The following AIDA variants were observed in gnomAD, a reference collection of about 807,000 sequenced individuals.
The protein encoded by AIDA is axin interactor, dorsalization associated.
Under a neutral mutation model 42.7 loss-of-function variants are expected in AIDA, and 18 were observed. The ratio of observed to expected loss-of-function variants is 0.42; its 90% CI spans 0.29 to 0.63. The LOEUF is 0.63. AIDA is among the 20% of genes least tolerant of loss of function. The probability of loss-of-function intolerance (pLI) is 0.19; values close to 1 mark genes in which losing one functional copy is unlikely to be tolerated. For missense variants in AIDA, 250 were observed against 354.1 expected (o/e 0.71, Z 2.36); for synonymous variants, 104 against 122.9 (o/e 0.85, Z 1.02).
intron 2 of AIDA, among the ~76,000 whole-genome samples, chr1:222,697,579 G>T (rs569188172): frequency 3.0e-4 from 45 of 151,472 alleles, no homozygotes; most frequent in Non-Finnish European, 5.7e-4. Context: ...GGTATAAATT[G>T]GAAAATGCTT....
intron 6 of AIDA, among the ~76,000 whole-genome samples, chr1:222,680,997 C>G (rs559264001): frequency 6.6e-6 from 1 of 152,132 alleles, no homozygotes; most frequent in South Asian, 2.1e-4. Context: ...CTTTTCATAT[C>G]CTGAAGAGGT....
intron 6 of AIDA, among the ~76,000 whole-genome samples, chr1:222,679,922 A>G (rs941553325): frequency 2.0e-5 from 3 of 152,198 alleles, no homozygotes; most frequent in Non-Finnish European, 4.4e-5. Context: ...TAAATATGAA[A>G]AGCTCTGTAT....
At chr1:222,680,973 G>C (rs1237241841) in intron 6 of AIDA, among the ~76,000 whole-genome samples, 1 of 151,760 alleles carries the variant, frequency 6.6e-6, no homozygotes, top group Non-Finnish European at 1.5e-5. Flanking sequence ...GCAATAAGTG[G>C]ACACAAGAGA....
chr1:222,673,397 G>A lies in AIDA; in HGVS notation c.622C>T (p.Pro208Ser), dbSNP rs764475670. The part of the protein sequence containing the change: ...GIDLTPVQDT[P>S]VASRKEDTYV... ...GTATCTTCTTTTCTTGAAGCCACAG[G>A]AGTATCTTGCACAGGAGTTAAGTCT... The change falls in exon 8 of 10, where the codon CCT becomes TCT. Residue 208 changes from proline (P) to serine (S), a missense_variant. Physicochemically the swap from Pro to Ser is moderately conservative, Grantham distance 74. This residue lies in a region of AIDA where 199 missense variants were observed against 232.6 expected (regional missense o/e 0.86). Coordinates refer to ENST00000340020, the MANE Select transcript of AIDA (RefSeq NM_022831.4). The A allele has an allele frequency of 2.0e-5, 32 of 1,608,878 alleles. No homozygotes were observed. The highest frequency in any genetic ancestry group is 4.0e-5 in the African/African-American group (3 of 74,786).
At chr1:222,708,926 T>A (rs1655917838) in intron 1 of AIDA, among the ~76,000 whole-genome samples, 1 of 152,192 alleles carries the variant, frequency 6.6e-6, no homozygotes, top group African/African-American at 2.4e-5. Context: ...AGCATACTCC[T>A]AAATTCATCC....
chr1:222,678,287 G>C (rs1054850974), intron 6 of AIDA, among the ~76,000 whole-genome samples: 2 of 150,490 alleles, frequency 1.3e-5, no homozygotes, highest in Admixed American at 1.3e-4. Flanking sequence ...TGGGGTCTTT[G>C]TTGTCACAAC....
chr1:222,684,939 A>G (rs759223009), intron 6 of AIDA, among the ~76,000 whole-genome samples: 2 of 152,178 alleles, frequency 1.3e-5, no homozygotes, highest in African/African-American at 2.4e-5. Flanking sequence ...AGCTATACCA[A>G]TTACAGTATG....
At chr1:222,689,996 C>T (rs536599995) in intron 4 of AIDA, among the ~76,000 whole-genome samples, 1 of 152,214 alleles carries the variant, frequency 6.6e-6, no homozygotes, top group South Asian at 2.1e-4. Context: ...AGGTTACATA[C>T]ATAAAAACTT....
intron 1 of AIDA, among the ~76,000 whole-genome samples, chr1:222,710,366 T>C (rs543118518): frequency 1.4e-4 from 21 of 152,322 alleles, no homozygotes; most frequent in African/African-American, 4.8e-4. Context: ...TGCACATGCC[T>C]ATCACCCTCA....
intron 2 of AIDA, among the ~76,000 whole-genome samples, chr1:222,697,743 TAA>T (rs1655562550): frequency 6.6e-6 from 1 of 152,116 alleles, no homozygotes. Context: ...AAAATAGGTT[TAA>T]AAAATACATA....
intron 9 of AIDA, 40 bp downstream of exon 9, chr1:222,670,093 A>T: frequency 6.2e-7 from 1 of 1,606,940 alleles, no homozygotes; most frequent in Non-Finnish European, 8.5e-7. Context: ...TATACTAGTC[A>T]CCATCAAATT....
At chr1:222,712,116 C>T (rs1656088062) in intron 1 of AIDA, 92 bp downstream of exon 1, 10 of 1,535,472 alleles carry the variant, frequency 6.5e-6, no homozygotes, top group Non-Finnish European at 8.8e-6. Flanking sequence ...GAAGCCTTGG[C>T]TGCAGATACG....
intron 6 of AIDA, 87 bp downstream of exon 6, chr1:222,686,843 C>T: frequency 1.4e-6 from 2 of 1,472,426 alleles, no homozygotes; most frequent in Non-Finnish European, 1.8e-6. Context: ...GGTTGTACTG[C>T]CCCACTAGCA....
At chr1:222,702,370 C>A (rs116100597) in intron 2 of AIDA, among the ~76,000 whole-genome samples, 1 of 152,042 alleles carries the variant, frequency 6.6e-6, no homozygotes, top group Non-Finnish European at 1.5e-5. Context: ...GGGGAATAGA[C>A]TGACACTTTT....
chr1:222,712,129 G>A, intron 1 of AIDA, 79 bp downstream of exon 1: 1 of 1,544,856 alleles, frequency 6.5e-7, no homozygotes, highest in Non-Finnish European at 8.7e-7. Flanking sequence ...CAGATACGGT[G>A]ATGAGAGACA....
intron 6 of AIDA, among the ~76,000 whole-genome samples, chr1:222,679,607 C>G (rs1380138708): frequency 2.0e-5 from 3 of 152,206 alleles, no homozygotes; most frequent in Non-Finnish European, 4.4e-5. Flanking sequence ...CACCCTATAA[C>G]AAGGTGTCCC....
intron 7 of AIDA, among the ~76,000 whole-genome samples, chr1:222,674,277 C>T (rs1051683881): frequency 2.6e-5 from 4 of 151,838 alleles, no homozygotes; most frequent in South Asian, 4.2e-4. Flanking sequence ...TGGGAGATTT[C>T]GCGGTGGGAA....
intron 6 of AIDA, among the ~76,000 whole-genome samples, chr1:222,679,386 G>A (rs1005366399): frequency 6.6e-6 from 1 of 152,182 alleles, no homozygotes; most frequent in Non-Finnish European, 1.5e-5. Context: ...CATGAGCCAT[G>A]AAAAACTGCG....
intron 2 of AIDA, among the ~76,000 whole-genome samples, chr1:222,695,838 A>G (rs1183309647): frequency 6.6e-6 from 1 of 152,240 alleles, no homozygotes; most frequent in Non-Finnish European, 1.5e-5. Context: ...TTCTAAATGT[A>G]TTGATAACTT....
Sources: allele counts gnomAD v4.1 joint callset (sites outside exome capture counted in the v4.1 genomes callset), GRCh38; gene constraint gnomAD v4.1.1; regional missense constraint gnomAD v4.1.1; transcripts MANE v1.5; gene names NCBI Gene and HGNC (gene_info 2026-07-23, HGNC 2026-07-21).